The following SHTN1 variants were observed in gnomAD, a reference collection of about 807,000 sequenced individuals.
The protein encoded by SHTN1 is shootin 1, also known as shootin-1.
SHTN1 carries 42 observed loss-of-function variants against 83.1 expected under a neutral mutation model. The observed-to-expected ratio is 0.51, with a 90% CI of 0.39 to 0.65. The LOEUF (loss-of-function observed/expected upper bound fraction) is 0.65, where lower values mean the gene tolerates loss of function less well. Ranked by LOEUF, SHTN1 falls within the 30% of genes least tolerant of loss-of-function variation. The pLI, the probability that SHTN1 is intolerant of heterozygous loss-of-function variation, is 0.00. For missense variants in SHTN1, 622 were observed against 737.8 expected, an observed-to-expected ratio of 0.84 and a Z score of 1.82; for synonymous variants, 224 against 247.7, an observed-to-expected ratio of 0.90 and a Z score of 0.90.
chr10:116,936,792 A>G (rs923526194), intron 9 of SHTN1, among the ~76,000 whole-genome samples: 1 of 152,014 alleles, frequency 6.6e-6, no homozygotes, highest in Admixed American at 6.6e-5. Context: ...ATTGTGTGGG[A>G]GTCTTTATCT....
chr10:116,887,694 G>C (rs1049927081), intron 16 of SHTN1, among the ~76,000 whole-genome samples: 1 of 152,154 alleles, frequency 6.6e-6, no homozygotes, highest in Non-Finnish European at 1.5e-5. Flanking sequence ...TTTCCTGTCT[G>C]TCTCTTCCAA....
chr10:116,984,002 T>C (rs1851139299), intron 1 of SHTN1, among the ~76,000 whole-genome samples: 1 of 152,204 alleles, frequency 6.6e-6, no homozygotes, highest in Non-Finnish European at 1.5e-5. Flanking sequence ...CTGAGTAGAC[T>C]TAGTTGTTTC....
intron 9 of SHTN1, among the ~76,000 whole-genome samples, chr10:116,935,592 T>C (rs563999718): frequency 4.6e-5 from 7 of 152,330 alleles, no homozygotes; most frequent in East Asian, 3.9e-4. Flanking sequence ...GATTTTCACA[T>C]TGATGTTCAT....
At chr10:117,005,449 A>C, upstream of SHTN1, 1 of 1,044,100 alleles carries the variant, frequency 9.6e-7, no homozygotes, top group Non-Finnish European at 1.2e-6. Context: ...CTCCGCCTCC[A>C]CCTCCCGGAC....
intron 1 of SHTN1, among the ~76,000 whole-genome samples, chr10:116,999,223 G>A (rs986844343): frequency 1.3e-5 from 2 of 152,162 alleles, no homozygotes; most frequent in Non-Finnish European, 2.9e-5. Flanking sequence ...CTGTACATTG[G>A]AACATTAATC....
At chr10:117,056,402 A>C (rs1274085991) in intron 1 of SHTN1, among the ~76,000 whole-genome samples, 1 of 152,254 alleles carries the variant, frequency 6.6e-6, no homozygotes, top group Non-Finnish European at 1.5e-5. Context: ...GTTTAGTTCA[A>C]CATTCAAAAA....
chr10:117,090,799 A>G (rs1589928560), intron 1 of SHTN1, among the ~76,000 whole-genome samples: 8 of 110,232 alleles, frequency 7.3e-5, no homozygotes, highest in African/African-American at 1.9e-4. Context: ...GGAAGGAAGG[A>G]AGGAAGGAAG....
At chr10:117,065,790 A>G (rs1373029941) in intron 1 of SHTN1, among the ~76,000 whole-genome samples, 6 of 13,300 alleles carry the variant, frequency 4.5e-4, no homozygotes, top group Admixed American at 1.1e-3. Flanking sequence ...GAAAGGAAGG[A>G]AGGAAGGAAG....
intron 16 of SHTN1, among the ~76,000 whole-genome samples, chr10:116,895,852 C>G (rs917846400): frequency 6.6e-6 from 1 of 152,110 alleles, no homozygotes; most frequent in Non-Finnish European, 1.5e-5. Flanking sequence ...GTTTTCTCAC[C>G]TGTAAAATTG....
chr10:117,036,673 G>A (rs1455961386), intron 2 of SHTN1, among the ~76,000 whole-genome samples: 1 of 151,994 alleles, frequency 6.6e-6, no homozygotes, highest in African/African-American at 2.4e-5. Flanking sequence ...TAGTTAATGG[G>A]TACAAAAAAA....
At chr10:117,102,912 T>C (rs1213943327) in intron 1 of SHTN1, among the ~76,000 whole-genome samples, 1 of 152,140 alleles carries the variant, frequency 6.6e-6, no homozygotes, top group Non-Finnish European at 1.5e-5. Context: ...ATTTCTATTA[T>C]CTGATTAAAA....
chr10:116,906,240 T>C (rs1342239437), intron 15 of SHTN1, among the ~76,000 whole-genome samples: 1 of 152,244 alleles, frequency 6.6e-6, no homozygotes, highest in Admixed American at 6.5e-5. Flanking sequence ...ACAAAGAGGT[T>C]CAGTAATTTG....
In SHTN1 at chr10:116,968,009, C is replaced by T. The variant is rs962882909; in HGVS notation, c.172+643G>A. On this transcript the variant is annotated intron_variant, in intron 3 of 16. Coordinates refer to ENST00000355371, the MANE Select transcript of SHTN1 (RefSeq NM_001127211.3). ...CCATCCTGGCCAATATGGTGAAACCCCGTCTCTACTAAAAATACAAAAATT... is the reference window on the plus strand; with the variant it reads ...CCATCCTGGCCAATATGGTGAAACCTCGTCTCTACTAAAAATACAAAAATT... 2.6e-5 allele frequency among the ~76,000 whole-genome samples: 4 copies of T among 152,050 alleles called. No individual in the cohort carries two copies. The East Asian group carries it at 7.7e-4, about 29-fold the overall frequency.
chr10:116,984,149 G>A (rs2133493657), intron 1 of SHTN1, among the ~76,000 whole-genome samples: 1 of 152,198 alleles, frequency 6.6e-6, no homozygotes, highest in South Asian at 2.1e-4. Flanking sequence ...CCCAGTCCCA[G>A]GGAGGCTAAT....
rs150406624 is a variant in SHTN1, at chr10:117,104,114, A to G, written c.-189+22193T>C. Among the ~76,000 whole-genome samples the G allele has an allele frequency of 3.9e-3, 593 of 152,222 alleles. 4 individuals carry two copies. Among genetic ancestry groups the G allele is most frequent in the African/African-American group, 0.013 (560 of 41,542 alleles). On this transcript the variant is annotated intron_variant, in intron 1 of 17. Transcript: ENST00000392901. ...TCAAATACATGTTTATCTGGCACCA[A>G]ATCCACCATTTTTAGCATGATTTTT... is the stretch of plus-strand genomic sequence containing the variant.
At chr10:117,048,568 T>A in intron 1 of SHTN1, 1 of 595,248 alleles carries the variant, frequency 1.7e-6, no homozygotes, top group Non-Finnish European at 2.1e-6. Context: ...ACAGTGCAAT[T>A]AAGCATACTG....
intron 2 of SHTN1, among the ~76,000 whole-genome samples, chr10:117,012,791 A>G (rs1852128373): frequency 6.6e-6 from 1 of 152,226 alleles, no homozygotes; most frequent in Non-Finnish European, 1.5e-5. Flanking sequence ...AATACCTGCC[A>G]TAGATGAGGG....
rs1850096973 is a variant in SHTN1 at position 116,959,366 on chromosome 10, T to C, written c.267+770A>G. 2.0e-5 allele frequency among the ~76,000 whole-genome samples: 3 copies of C among 152,320 alleles called. No individual in the cohort carries two copies. In the South Asian group the frequency reaches 6.2e-4, roughly 32 times the overall value. On this transcript the variant is annotated intron_variant, in intron 4 of 16. Transcript: ENST00000355371. ...AAGCACACTGTTAATGCATACAAATTACATTTATTTATGTATTTATTGAGA... is the reference window on the plus strand; with the variant it reads ...AAGCACACTGTTAATGCATACAAATCACATTTATTTATGTATTTATTGAGA...
At chr10:117,126,242 C>T (rs905177070) in intron 1 of SHTN1, 8 of 153,948 alleles carry the variant, frequency 5.2e-5, no homozygotes, top group African/African-American at 1.4e-4. Flanking sequence ...CAAGAGAGCA[C>T]GGGAGCCGGA....
Sources: gnomAD v4.1 joint callset for allele counts (sites outside exome capture counted in the v4.1 genomes callset) on GRCh38, gnomAD v4.1.1 for gene constraint, MANE v1.5 for transcripts, NCBI Gene and HGNC (gene_info 2026-07-23, HGNC 2026-07-21) for gene names.